KIF6: variants seen among roughly 807,000 people sequenced by gnomAD.
The protein encoded by KIF6 is kinesin-like protein KIF6.
A neutral mutation model predicts 112.7 loss-of-function variants in KIF6; 106 were observed. That is an observed-to-expected ratio of 0.94 (90% CI 0.80 to 1.11). The LOEUF (loss-of-function observed/expected upper bound fraction) is 1.11. KIF6 is among the 50% of genes least tolerant of loss of function. The pLI is 0.00. For synonymous variants in KIF6, 339 were observed against 339.9 expected (o/e 1.00, Z 0.03); for missense variants, 929 against 964.0 (o/e 0.96, Z 0.48).
chr6:39,397,568 C>T (rs967664285), intron 15 of KIF6, among the ~76,000 whole-genome samples: 3 of 152,150 alleles, frequency 2.0e-5, no homozygotes, highest in Admixed American at 1.3e-4. Flanking sequence ...GCCTGAAATT[C>T]CAGTACGCAT....
At chr6:39,580,095 G>A (rs543765584) in intron 9 of KIF6, among the ~76,000 whole-genome samples, 14 of 152,006 alleles carry the variant, frequency 9.2e-5, no homozygotes, top group African/African-American at 1.7e-4. Flanking sequence ...GGTTAATTTC[G>A]TCAGACATCA....
chr6:39,451,995 G>GGCGAGCCTGCAATTC (rs1480132377), intron 13 of KIF6, among the ~76,000 whole-genome samples: 3 of 152,148 alleles, frequency 2.0e-5, no homozygotes, highest in Non-Finnish European at 4.4e-5. Context: ...CTTCAAAATG[G>GGCGAGCCTGCAATTC]GCGAGCCTGC....
rs143824190 is a variant in KIF6 at position 39,343,911 on chromosome 6, A to G, written c.2322-96T>C. ...TTTTCCATTTTAGGTGACTGATCTC[A>G]CTCAGAAAGCTACATGACACGGCTG... On this transcript the variant is annotated intron_variant, in intron 21 of 22. Transcript: ENST00000287152. This position sits in a 1 kb window ranked among gnomAD's most constrained non-coding sequence, Gnocchi z 4.1. 1 of 670,058 alleles carries G rather than the reference A, an allele frequency of 1.5e-6. No individual in the cohort carries two copies. The highest frequency in any genetic ancestry group is 2.5e-6 in the Non-Finnish European group (1 of 397,850). 41.5% of individuals were successfully genotyped at this position (670,058 alleles called of 1,614,324 possible). A position where few individuals can be genotyped will look rare whatever the true frequency, so the allele number is the denominator to read the frequency against.
intron 3 of KIF6, among the ~76,000 whole-genome samples, chr6:39,643,828 A>C (rs1472844519): frequency 6.6e-6 from 1 of 152,186 alleles, no homozygotes; most frequent in Non-Finnish European, 1.5e-5. Flanking sequence ...GCTGCACTTC[A>C]TCAAAATTAA....
intron 13 of KIF6, among the ~76,000 whole-genome samples, chr6:39,437,863 G>A (rs1771639597): frequency 7.2e-5 from 11 of 152,162 alleles, no homozygotes; most frequent in Admixed American, 7.2e-4. Flanking sequence ...TAAACCTACT[G>A]TGATGCCAGT....
At chr6:39,694,934 G>A (rs1353520323) in intron 3 of KIF6, among the ~76,000 whole-genome samples, 2 of 152,108 alleles carry the variant, frequency 1.3e-5, no homozygotes, top group Non-Finnish European at 2.9e-5. Flanking sequence ...CAAGGCTACA[G>A]TAATCAAAAA....
At chr6:39,722,832 T>C (rs1289294383) in intron 1 of KIF6, among the ~76,000 whole-genome samples, 1 of 152,174 alleles carries the variant, frequency 6.6e-6, no homozygotes, top group Non-Finnish European at 1.5e-5. Context: ...CACCTAAAAA[T>C]ATGACACCTA....
intron 3 of KIF6, among the ~76,000 whole-genome samples, chr6:39,697,157 T>G (rs1397664223): frequency 6.6e-6 from 1 of 152,204 alleles, no homozygotes; most frequent in South Asian, 2.1e-4. Context: ...CACCAACTTC[T>G]GTCCTTTGGT....
At chr6:39,368,897 G>A (rs1256576180) in intron 16 of KIF6, among the ~76,000 whole-genome samples, 5 of 152,224 alleles carry the variant, frequency 3.3e-5, no homozygotes, top group Non-Finnish European at 5.9e-5. Context: ...GTGGGAAGGG[G>A]AAGTGAGTTA....
chr6:39,519,511 A>G (rs1777261351), intron 13 of KIF6, among the ~76,000 whole-genome samples: 1 of 152,178 alleles, frequency 6.6e-6, no homozygotes, highest in South Asian at 2.1e-4. Flanking sequence ...ATCCTATGAC[A>G]TATTGACAGG....
intron 13 of KIF6, among the ~76,000 whole-genome samples, chr6:39,490,825 CA>C (rs951758108): frequency 7.9e-5 from 12 of 151,410 alleles, no homozygotes; most frequent in African/African-American, 2.2e-4. Context: ...TGACAATGTT[CA>C]AAAAAAACCC....
chr6:39,380,890 T>A (rs12662990), intron 16 of KIF6, among the ~76,000 whole-genome samples: 18,845 of 152,264 alleles, frequency 0.12, 1,317 homozygotes, highest in African/African-American at 0.19. Flanking sequence ...ATTTGTTACC[T>A]TTGTTTCTTA....
Position 39,343,543 on chromosome 6 carries a change from TC to T in KIF6, c.2428+165del. The T allele has an allele frequency of 2.2e-6, 3 of 1,381,752 alleles. No homozygotes were observed. The South Asian group carries it at 4.0e-5, about 19-fold the overall frequency. 85.6% of individuals were successfully genotyped at this position (1,381,752 alleles called of 1,614,324 possible). ...TCTGATGCTGCCCCTTGAGGCTTTC[TC>T]GAGAAGGAATCAGAGGCTGGGCACA... On this transcript the variant is annotated intron_variant, in intron 22 of 22. Transcript: ENST00000287152. The surrounding 1 kb of genome is among the most constrained non-coding windows in gnomAD (Gnocchi z 4.1).
chr6:39,659,689 G>A (rs1459399195), intron 3 of KIF6, among the ~76,000 whole-genome samples: 1 of 152,174 alleles, frequency 6.6e-6, no homozygotes, highest in Non-Finnish European at 1.5e-5. Flanking sequence ...CTGCCACCAT[G>A]TGAAGAAGGA....
At chr6:39,674,723 A>G (rs191154130) in intron 3 of KIF6, among the ~76,000 whole-genome samples, 2 of 151,552 alleles carry the variant, frequency 1.3e-5, no homozygotes, top group Admixed American at 1.3e-4. Context: ...GCTCCTGTTT[A>G]ATATTTTTAC....
At chr6:39,412,331 G>C (rs1441286005) in intron 15 of KIF6, among the ~76,000 whole-genome samples, 2 of 152,184 alleles carry the variant, frequency 1.3e-5, no homozygotes, top group African/African-American at 4.8e-5. Context: ...CTGTTACAGA[G>C]AGACCTTAAT....
chr6:39,558,208 C>G (rs969713945), intron 10 of KIF6, among the ~76,000 whole-genome samples: 16 of 152,200 alleles, frequency 1.1e-4, no homozygotes, highest in African/African-American at 3.9e-4. Flanking sequence ...AAAGCTGTTC[C>G]TTCTGTTGCT....
intron 13 of KIF6, among the ~76,000 whole-genome samples, chr6:39,474,641 G>T (rs1774316633): frequency 6.6e-6 from 1 of 152,252 alleles, no homozygotes; most frequent in Non-Finnish European, 1.5e-5. Context: ...AGCTTCTCCT[G>T]TGAAGGAGCT....
chr6:39,586,499 AAAT>A, intron 7 of KIF6, 95 bp from the exon 8 acceptor site: 1 of 990,766 alleles, frequency 1.0e-6, no homozygotes, highest in Non-Finnish European at 1.6e-6. Flanking sequence ...ATGCAAAAGG[AAAT>A]AATAACTAAA....
Sources: allele counts gnomAD v4.1 joint callset (sites outside exome capture counted in the v4.1 genomes callset), GRCh38; gene constraint gnomAD v4.1.1; non-coding constraint Gnocchi (gnomAD v3.1); transcripts MANE v1.5; gene names NCBI Gene and HGNC (gene_info 2026-07-23, HGNC 2026-07-21).